The following PTCHD4 variants were observed in gnomAD, a reference collection of about 807,000 sequenced individuals.
The protein encoded by PTCHD4 is patched domain containing 4.
In PTCHD4, 33 loss-of-function variants were observed where a neutral mutation model predicts 58.1. The ratio of observed to expected loss-of-function variants is 0.57; its 90% confidence interval spans 0.43 to 0.76. PTCHD4 has a LOEUF of 0.76. Among genes scored for constraint, PTCHD4 ranks in the 30% least tolerant of loss-of-function variants. PTCHD4 has a pLI of 0.00. For missense variants in PTCHD4, 1,058 were observed against 1,027.1 expected, an observed-to-expected ratio of 1.03 and a Z score of -0.41; for synonymous variants, 478 against 409.6, an observed-to-expected ratio of 1.17 and a Z score of -2.02.
chr6:47,908,660 G>A (rs909848379), intron 4 of PTCHD4, among the ~76,000 whole-genome samples: 5 of 152,076 alleles, frequency 3.3e-5, no homozygotes, highest in Admixed American at 3.3e-4. Context: ...GCATCTTATC[G>A]AGACCTCGTC....
intron 3 of PTCHD4, among the ~76,000 whole-genome samples, chr6:48,017,602 T>G (rs1762911134): frequency 6.6e-6 from 1 of 152,220 alleles, no homozygotes; most frequent in Non-Finnish European, 1.5e-5. Context: ...TTCTAAGACA[T>G]AAGAATTCTA....
At chr6:47,993,893 A>G (rs1305606733) in intron 4 of PTCHD4, among the ~76,000 whole-genome samples, 1 of 152,234 alleles carries the variant, frequency 6.6e-6, no homozygotes, top group Non-Finnish European at 1.5e-5. Flanking sequence ...AAAACAAAAC[A>G]GAACAACAAA....
At chr6:48,002,500 A>G (rs933836194) in intron 4 of PTCHD4, among the ~76,000 whole-genome samples, 9 of 152,070 alleles carry the variant, frequency 5.9e-5, no homozygotes, top group Non-Finnish European at 1.0e-4. Context: ...TCAGCAAACT[A>G]TCACAAGGAC....
intron 3 of PTCHD4, among the ~76,000 whole-genome samples, chr6:48,055,501 C>T (rs1764378407): frequency 6.6e-6 from 1 of 152,094 alleles, no homozygotes; most frequent in African/African-American, 2.4e-5. Flanking sequence ...AATTTGAACA[C>T]TGCTTTGGAA....
intron 4 of PTCHD4, among the ~76,000 whole-genome samples, chr6:47,938,870 A>G (rs553718838): frequency 6.6e-6 from 1 of 152,324 alleles, no homozygotes; most frequent in East Asian, 1.9e-4. Context: ...TAAGCTACAT[A>G]AGGATAAAAG....
At chr6:47,977,722 TA>T (rs1291171593) in intron 4 of PTCHD4, among the ~76,000 whole-genome samples, 1 of 152,096 alleles carries the variant, frequency 6.6e-6, no homozygotes, top group African/African-American at 2.4e-5. Flanking sequence ...ATAAAATAAT[TA>T]AAGTATTTCT....
intron 1 of PTCHD4, among the ~76,000 whole-genome samples, chr6:48,085,686 A>G (rs536594291): frequency 6.6e-6 from 1 of 152,324 alleles, no homozygotes; most frequent in East Asian, 1.9e-4. Context: ...CAGCAAAAGG[A>G]TTTCCTTGCT....
At chr6:47,901,907 C>G (rs1310904027) in intron 4 of PTCHD4, 1 of 1,303,598 alleles carries the variant, frequency 7.7e-7, no homozygotes, top group African/African-American at 1.5e-5. Context: ...AAATTTGTTT[C>G]TAGCTTGAGG....
chr6:47,994,054 G>A (rs1171209388), intron 4 of PTCHD4, among the ~76,000 whole-genome samples: 1 of 152,160 alleles, frequency 6.6e-6, no homozygotes, highest in African/African-American at 2.4e-5. Context: ...GCTAGATCAG[G>A]GAAGGCGGGA....
intron 4 of PTCHD4, among the ~76,000 whole-genome samples, chr6:48,006,752 A>C (rs923077740): frequency 3.9e-5 from 6 of 152,232 alleles, no homozygotes; most frequent in Non-Finnish European, 8.8e-5. Context: ...CCTAAAGCCA[A>C]GGGCTGTTTT....
At chr6:48,070,313 C>T (rs2113883459) in intron 1 of PTCHD4, among the ~76,000 whole-genome samples, 1 of 152,126 alleles carries the variant, frequency 6.6e-6, no homozygotes, top group East Asian at 1.9e-4. Context: ...AGTGAAAGTG[C>T]CCATTTTTAA....
chr6:47,961,501 C>T (rs1160894487), intron 4 of PTCHD4, among the ~76,000 whole-genome samples: 1 of 151,936 alleles, frequency 6.6e-6, no homozygotes, highest in African/African-American at 2.4e-5. Context: ...ACCACGTTGG[C>T]CAGGCTGGTC....
rs371115895 is a variant in PTCHD4 at position 47,953,386 on chromosome 6, T to A, written c.898+55248A>T. The stretch of plus-strand genomic sequence containing the variant: ...TGCTAGATTTATCTCTGAGTTTAGA[T>A]GAGATTTTAATCAAGATGTCATCTT... On this transcript the variant is annotated intron_variant, in intron 4 of 4. Transcript: ENST00000339488. 1.1e-4 allele frequency among the ~76,000 whole-genome samples: 17 copies of A among 152,274 alleles called. No homozygotes were observed. The East Asian group carries it at 2.5e-3, about 22-fold the overall frequency.
At chr6:47,925,935 G>A (rs572980615) in intron 4 of PTCHD4, among the ~76,000 whole-genome samples, 56 of 152,270 alleles carry the variant, frequency 3.7e-4, no homozygotes, top group Admixed American at 7.8e-4. Flanking sequence ...AATTTGTTGT[G>A]CAGAGGCTGA....
Position 47,878,145 on chromosome 6 carries a change from C to A in PTCHD4, c.*158G>T, listed in dbSNP as rs747292436. On this transcript the variant is annotated 3_prime_UTR_variant, in exon 5 of 5. Transcript: ENST00000339488. ...CCTCTTTTTTTATTCCCTCTTCCCC[C>A]CAAGAAGCAGGCACCTTGAAGTGTC... The A allele has an allele frequency of 8.7e-6, 5 of 576,894 alleles. No individual in the cohort carries two copies. Among genetic ancestry groups the A allele is most frequent in the African/African-American group, 1.9e-5 (1 of 52,672 alleles). 35.7% of individuals were successfully genotyped at this position (576,894 alleles called of 1,614,324 possible).
rs999524931 is a variant in PTCHD4 at position 47,878,240 on chromosome 6, T to C, written c.*63A>G. The C allele has an allele frequency of 6.9e-6, 10 of 1,456,704 alleles. No homozygotes were observed. The highest frequency in any genetic ancestry group is 2.2e-5 in the Admixed American group (1 of 44,858). 90.2% of individuals were successfully genotyped at this position (1,456,704 alleles called of 1,614,324 possible). A position where few individuals can be genotyped will look rare whatever the true frequency, so the allele number is the denominator to read the frequency against. On this transcript the variant is annotated 3_prime_UTR_variant, in exon 5 of 5. Transcript: ENST00000339488. ...CAGCCCAAGCAGCTGAGGTCTGAGC[T>C]TTACTTGCCCTGCATCATTGTGCAA... is the stretch of plus-strand genomic sequence containing the variant.
At chr6:47,943,006 T>A (rs747289540) in intron 4 of PTCHD4, among the ~76,000 whole-genome samples, 1 of 152,212 alleles carries the variant, frequency 6.6e-6, no homozygotes, top group Non-Finnish European at 1.5e-5. Context: ...CCCCTCCGTA[T>A]GCAGTTTCAT....
At position 47,876,646 on chromosome 6, in the gene PTCHD4, G is replaced by A. The variant is rs1453366586; in HGVS notation, c.*1657C>T. 2.6e-5 allele frequency among the ~76,000 whole-genome samples: 4 copies of A among 151,966 alleles called. No individual in the cohort carries two copies. The highest frequency in any genetic ancestry group is 4.4e-5 in the Non-Finnish European group (3 of 67,950). ...AACATAGAACCAAAGTTGATGGGAAGTAGTAGCTTTCTTCTAGGTAAAAGA... is the reference window on the plus strand; with the variant it reads ...AACATAGAACCAAAGTTGATGGGAAATAGTAGCTTTCTTCTAGGTAAAAGA... On this transcript the variant is annotated 3_prime_UTR_variant, in exon 5 of 5. Transcript: ENST00000339488.
intron 4 of PTCHD4, among the ~76,000 whole-genome samples, chr6:47,909,017 G>C (rs1451259339): frequency 6.6e-6 from 1 of 152,102 alleles, no homozygotes; most frequent in Non-Finnish European, 1.5e-5. Flanking sequence ...CTACTTAGCA[G>C]GTTGCCAGGT....
Sources: allele counts gnomAD v4.1 joint callset (sites outside exome capture counted in the v4.1 genomes callset), GRCh38; gene constraint gnomAD v4.1.1; transcripts MANE v1.5; gene names NCBI Gene and HGNC (gene_info 2026-07-23, HGNC 2026-07-21).